RUNX1T1: variants seen among roughly 807,000 people sequenced by gnomAD.
The protein encoded by RUNX1T1 is RUNX1 partner transcriptional co-repressor 1.
A neutral mutation model predicts 62.8 loss-of-function variants in RUNX1T1; 4 were observed. The observed-to-expected ratio is 0.06, with a 90% CI of 0.03 to 0.15. The LOEUF is 0.15. Among genes scored for constraint, RUNX1T1 ranks in the 10% least tolerant of loss-of-function variants. The pLI, the probability that RUNX1T1 is intolerant of heterozygous loss-of-function variation, is 1.00. For synonymous variants in RUNX1T1, 291 were observed against 286.0 expected, an observed-to-expected ratio of 1.02 and a Z score of -0.18; for missense variants, 508 against 754.3, an observed-to-expected ratio of 0.67 and a Z score of 3.82.
chr8:91,979,180 A>C (rs1221181902), intron 8 of RUNX1T1, among the ~76,000 whole-genome samples: 1 of 152,224 alleles, frequency 6.6e-6, no homozygotes, highest in East Asian at 1.9e-4. Flanking sequence ...TAATAGATTC[A>C]GAAACCAAAT....
At chr8:92,076,180 C>T in intron 1 of RUNX1T1, 43 bp from the exon 2 acceptor site, 1 of 1,440,176 alleles carries the variant, frequency 6.9e-7, no homozygotes, top group South Asian at 1.5e-5. Flanking sequence ...TATATCACAA[C>T]CAGTCTGAAG....
chr8:92,094,010 G>A (rs752578533), intron 1 of RUNX1T1, among the ~76,000 whole-genome samples: 13 of 152,164 alleles, frequency 8.5e-5, no homozygotes, highest in African/African-American at 2.9e-4. Context: ...CATTCTGTCT[G>A]GGTGATAAGG....
At chr8:91,992,906 T>C (rs547000297) in intron 5 of RUNX1T1, among the ~76,000 whole-genome samples, 15 of 152,236 alleles carry the variant, frequency 9.9e-5, no homozygotes, top group Non-Finnish European at 2.1e-4. Context: ...AGTAAAGCAG[T>C]AATTTCTGGC....
At chr8:92,018,602 A>G (rs1587040134) in intron 1 of RUNX1T1, among the ~76,000 whole-genome samples, 1 of 152,238 alleles carries the variant, frequency 6.6e-6, no homozygotes, top group African/African-American at 2.4e-5. Context: ...ATGTTATAAT[A>G]ACCACAGTGA....
chr8:92,053,399 A>C (rs1317662067), intron 1 of RUNX1T1, among the ~76,000 whole-genome samples: 1 of 152,180 alleles, frequency 6.6e-6, no homozygotes, highest in African/African-American at 2.4e-5. Flanking sequence ...AAAATGGCCA[A>C]ACTACATGAA....
intron 1 of RUNX1T1, among the ~76,000 whole-genome samples, chr8:92,043,981 A>G (rs80020322): frequency 6.7e-6 from 1 of 150,114 alleles, no homozygotes; most frequent in African/African-American, 2.4e-5. Flanking sequence ...TCCGTCTCAA[A>G]AAAAAAAAAA....
At chr8:92,076,101 CAG>C in exon 2 of RUNX1T1, 3 of 1,587,028 alleles carry the variant, frequency 1.9e-6, no homozygotes, top group Non-Finnish European at 2.6e-6. Context: ...CTGACTGGGA[CAG>C]AGATTATGTT....
chr8:91,975,447 A>C (rs898417852), intron 9 of RUNX1T1, among the ~76,000 whole-genome samples: 1 of 151,878 alleles, frequency 6.6e-6, no homozygotes, highest in African/African-American at 2.4e-5. Flanking sequence ...AAATTATCTG[A>C]GTACTTTAAC....
At chr8:91,972,509 C>A (rs984641748) in intron 9 of RUNX1T1, among the ~76,000 whole-genome samples, 16 of 152,048 alleles carry the variant, frequency 1.1e-4, no homozygotes, top group African/African-American at 3.4e-4. Flanking sequence ...ACCTTCTTCA[C>A]CAGGAGGTGA....
At chr8:92,058,639 C>T (rs1005160951) in intron 1 of RUNX1T1, among the ~76,000 whole-genome samples, 8 of 152,280 alleles carry the variant, frequency 5.3e-5, no homozygotes, top group Admixed American at 5.2e-4. Context: ...CTCTAGGAGC[C>T]TCAGTTTCAA....
intron 5 of RUNX1T1, among the ~76,000 whole-genome samples, chr8:92,002,750 A>G (rs921724726): frequency 5.3e-5 from 8 of 152,116 alleles, no homozygotes; most frequent in African/African-American, 1.9e-4. Flanking sequence ...TCCATGTCAG[A>G]CCATATGCAC....
intron 2 of RUNX1T1, among the ~76,000 whole-genome samples, chr8:92,069,909 C>A (rs1833427942): frequency 6.6e-6 from 1 of 152,122 alleles, no homozygotes; most frequent in Non-Finnish European, 1.5e-5. Context: ...ACCCATTATA[C>A]CTAAATGTCC....
chr8:91,978,842 T>C (rs1814562884), intron 8 of RUNX1T1, among the ~76,000 whole-genome samples: 1 of 152,216 alleles, frequency 6.6e-6, no homozygotes, highest in Non-Finnish European at 1.5e-5. Flanking sequence ...TTGTGCAATG[T>C]TTCACTTTGG....
chr8:91,992,661 T>G (rs2130892169), intron 5 of RUNX1T1, among the ~76,000 whole-genome samples: 1 of 152,270 alleles, frequency 6.6e-6, no homozygotes, highest in Non-Finnish European at 1.5e-5. Context: ...AGAGCTAGCC[T>G]GGCCTAGAAG....
chr8:92,022,495 T>C (rs1161092878), intron 1 of RUNX1T1, among the ~76,000 whole-genome samples: 1 of 152,190 alleles, frequency 6.6e-6, no homozygotes, highest in Non-Finnish European at 1.5e-5. Flanking sequence ...ACTCAGCCCA[T>C]AAGGGCTCTA....
intron 1 of RUNX1T1, chr8:92,017,656 C>G (rs1043354561): frequency 1.6e-6 from 2 of 1,266,202 alleles, no homozygotes; most frequent in African/African-American, 3.0e-5. Flanking sequence ...CACAACTGCA[C>G]TGGAAGCTGA....
exon 4 of RUNX1T1, chr8:92,011,041 A>G: frequency 1.2e-6 from 2 of 1,610,578 alleles, no homozygotes; most frequent in Non-Finnish European, 1.7e-6. Context: ...GTGGGAAGTT[A>G]GTAGCTTCTT....
rs1255271053 is a variant in RUNX1T1, at chr8:91,973,630, C to T, written c.1267+2275G>A. ...AGATTTTCTTCAAAAAATTTTTTTG[C>T]CCATAGCCAATTTTAGAAAGCTAGG... On this transcript the variant is annotated intron_variant, in intron 9 of 10. Transcript: ENST00000396218. Among the ~76,000 whole-genome samples the T allele has an allele frequency of 2.0e-5, 3 of 151,906 alleles. No individual in the cohort carries two copies. The East Asian group carries it at 5.8e-4, about 29-fold the overall frequency.
At chr8:92,060,104 C>T (rs1206678552) in intron 1 of RUNX1T1, among the ~76,000 whole-genome samples, 4 of 151,964 alleles carry the variant, frequency 2.6e-5, no homozygotes, top group African/African-American at 9.7e-5. Context: ...AATATAATGC[C>T]CAAGGTCTCC....
Sources: allele counts gnomAD v4.1 joint callset (sites outside exome capture counted in the v4.1 genomes callset), GRCh38; gene constraint gnomAD v4.1.1; transcripts MANE v1.5; gene names NCBI Gene and HGNC (gene_info 2026-07-23, HGNC 2026-07-21).